The following SLC6A11 variants were observed in gnomAD, a reference collection of about 807,000 sequenced individuals.
SLC6A11 encodes solute carrier family 6 member 11.
Under a neutral mutation model 74.8 loss-of-function variants are expected in SLC6A11, and 25 were observed. The observed-to-expected ratio is 0.33, with a 90% CI of 0.24 to 0.47. The LOEUF (loss-of-function observed/expected upper bound fraction) is 0.47, where lower values mean the gene tolerates loss of function less well. Ranked by LOEUF, SLC6A11 falls within the 20% of genes least tolerant of loss-of-function variation. The pLI is 1.00. For missense variants in SLC6A11, 574 were observed against 837.0 expected (o/e 0.69, Z 3.88); for synonymous variants, 330 against 330.2 (o/e 1.00, Z 0.01).
intron 6 of SLC6A11, among the ~76,000 whole-genome samples, chr3:10,910,451 A>AG (rs1269937525): frequency 6.6e-6 from 1 of 152,154 alleles, no homozygotes; most frequent in Non-Finnish European, 1.5e-5. Flanking sequence ...AAACAGGAAG[A>AG]GAGAGTTCAT....
At chr3:10,857,125 C>G (rs1439799816) in intron 5 of SLC6A11, among the ~76,000 whole-genome samples, 1 of 152,160 alleles carries the variant, frequency 6.6e-6, no homozygotes, top group African/African-American at 2.4e-5. Flanking sequence ...TAAGTGTTGT[C>G]AAATCCTGGC....
intron 6 of SLC6A11, among the ~76,000 whole-genome samples, chr3:10,882,392 G>C (rs149988794): frequency 2.6e-5 from 4 of 152,182 alleles, no homozygotes; most frequent in African/African-American, 7.2e-5. Flanking sequence ...ACCACCCCAC[G>C]TGCTCCTGGT....
intron 13 of SLC6A11, 27 bp from the exon 14 acceptor site, chr3:10,938,223 A>C: frequency 6.4e-7 from 1 of 1,567,912 alleles, no homozygotes; most frequent in South Asian, 1.2e-5. Context: ...AATCACTCAG[A>C]TCTTCCCCTC....
chr3:10,896,135 G>A (rs927338205), intron 6 of SLC6A11, among the ~76,000 whole-genome samples: 1 of 152,234 alleles, frequency 6.6e-6, no homozygotes, highest in Non-Finnish European at 1.5e-5. Context: ...GCATTTCTGG[G>A]ACAGAATGAG....
chr3:10,834,401 A>AGGGAT (rs1694340148), intron 4 of SLC6A11, among the ~76,000 whole-genome samples: 1 of 151,108 alleles, frequency 6.6e-6, no homozygotes, highest in Non-Finnish European at 1.5e-5. Context: ...AAAGGGAGGA[A>AGGGAT]GGGATGAAGG....
At chr3:10,904,109 A>G (rs1695274234) in intron 6 of SLC6A11, among the ~76,000 whole-genome samples, 1 of 152,260 alleles carries the variant, frequency 6.6e-6, no homozygotes, top group Non-Finnish European at 1.5e-5. Context: ...GTAAAGTGCT[A>G]TCCATGTGGA....
intron 6 of SLC6A11, among the ~76,000 whole-genome samples, chr3:10,882,721 G>T (rs998994210): frequency 6.6e-6 from 1 of 152,212 alleles, no homozygotes; most frequent in African/African-American, 2.4e-5. Flanking sequence ...TCAGAAAGCG[G>T]TATTCTTGGT....
rs980603427 is a variant in SLC6A11, at chr3:10,918,049, C to T, written c.996-280C>T. ...GTTTCAGAGTATTTTCTCATTAGTT[C>T]TGCATTTTCCCATATGCCAGCCTCC... On this transcript the variant is annotated intron_variant, in intron 7 of 13. Transcript: ENST00000254488. This position sits in a 1 kb window ranked among gnomAD's most constrained non-coding sequence, Gnocchi z 4.5. Among the ~76,000 whole-genome samples, 7 of 152,012 alleles carry T rather than the reference C, an allele frequency of 4.6e-5. No individual in the cohort carries two copies.
At chr3:10,817,633 G>T (rs1694080492) in intron 1 of SLC6A11, among the ~76,000 whole-genome samples, 1 of 152,230 alleles carries the variant, frequency 6.6e-6, no homozygotes, top group Non-Finnish European at 1.5e-5. Context: ...AAGTTGGCTG[G>T]CAGGGACCGG....
rs1695806688 is a variant in SLC6A11 at position 10,940,053 on chromosome 3, A to C, written c.*1651A>C. On this transcript the variant is annotated 3_prime_UTR_variant, in exon 14 of 14. Coordinates refer to ENST00000254488, the MANE Select transcript of SLC6A11 (RefSeq NM_014229.3). Reference sequence around the variant, plus strand: ...TTCACCCAAAAGTCTGCAAACCCCCAGCATCTCTGCTCTGGCCAGCCCTGA... The same window carrying C: ...TTCACCCAAAAGTCTGCAAACCCCCCGCATCTCTGCTCTGGCCAGCCCTGA... The C allele has an allele frequency of 6.6e-6, 1 of 152,302 alleles. No individual in the cohort carries two copies. The highest frequency in any genetic ancestry group is 2.4e-5 in the African/African-American group (1 of 41,462). The allele number at this position is 152,302 out of a possible 1,614,324, so 9.4% of individuals were successfully genotyped here.
rs1284504177 is a variant in SLC6A11, at chr3:10,939,681, G to C, written c.*1279G>C. The C allele has an allele frequency of 1.3e-5, 2 of 152,242 alleles. No homozygotes were observed. The highest frequency in any genetic ancestry group is 4.8e-5 in the African/African-American group (2 of 41,422). The allele number at this position is 152,242 out of a possible 1,614,324, so 9.4% of individuals were successfully genotyped here. On this transcript the variant is annotated 3_prime_UTR_variant, in exon 14 of 14. Coordinates refer to ENST00000254488, the MANE Select transcript of SLC6A11 (RefSeq NM_014229.3). ...CTCAGTGGCCAGGCGCAAGGCTACA[G>C]GTGCAGTCACCTGTTCCCGGCCACC...
intron 6 of SLC6A11, among the ~76,000 whole-genome samples, chr3:10,878,404 C>T (rs1445386044): frequency 2.3e-5 from 3 of 128,166 alleles, no homozygotes; most frequent in East Asian, 4.6e-4. Context: ...TCCACTCATC[C>T]TTTTTTTTTT....
chr3:10,817,312 T>G (rs1396445326), intron 1 of SLC6A11, among the ~76,000 whole-genome samples: 1 of 151,996 alleles, frequency 6.6e-6, no homozygotes, highest in Non-Finnish European at 1.5e-5. Context: ...TGCATAGAGA[T>G]GTAGAAGGGG....
intron 8 of SLC6A11, among the ~76,000 whole-genome samples, chr3:10,924,956 C>T (rs1009431178): frequency 6.6e-6 from 1 of 152,180 alleles, no homozygotes; most frequent in Non-Finnish European, 1.5e-5. Context: ...CATATGATTG[C>T]CATATGACCC....
At chr3:10,936,470 G>A (rs1695760880) in intron 13 of SLC6A11, among the ~76,000 whole-genome samples, 1 of 152,150 alleles carries the variant, frequency 6.6e-6, no homozygotes, top group Non-Finnish European at 1.5e-5. Flanking sequence ...GGGGAGTGGG[G>A]GTATGCAGAG....
At chr3:10,936,576 A>G (rs1239490009) in intron 13 of SLC6A11, among the ~76,000 whole-genome samples, 1 of 152,194 alleles carries the variant, frequency 6.6e-6, no homozygotes. Flanking sequence ...GCATCCAGCC[A>G]GAAGGGGCCA....
chr3:10,920,326 C>T (rs1695519877), intron 8 of SLC6A11, among the ~76,000 whole-genome samples: 1 of 152,022 alleles, frequency 6.6e-6, no homozygotes. Context: ...AATTCAAATC[C>T]AACGCAACAC....
rs1482889362 is a variant in SLC6A11, at chr3:10,928,326, T to C, written c.1234-876T>C. 4.0e-5 allele frequency among the ~76,000 whole-genome samples: 6 copies of C among 151,846 alleles called. No individual in the cohort carries two copies. The East Asian group carries it at 9.7e-4, about 25-fold the overall frequency. On this transcript the variant is annotated intron_variant, in intron 9 of 13. Transcript: ENST00000254488. ...CCACCTGCTTGTAAGGAGACAGATA[T>C]AAGCAGGAAAGGGCCCCCAGGGTGA...
intron 5 of SLC6A11, among the ~76,000 whole-genome samples, chr3:10,866,197 A>G (rs980771577): frequency 2.0e-5 from 3 of 152,184 alleles, no homozygotes; most frequent in African/African-American, 4.8e-5. Flanking sequence ...ATTTCAGCCC[A>G]TGGGAAGGGC....
Sources: gnomAD v4.1 joint callset for allele counts (sites outside exome capture counted in the v4.1 genomes callset) on GRCh38, gnomAD v4.1.1 for gene constraint, Gnocchi (gnomAD v3.1) non-coding constraint, MANE v1.5 for transcripts, NCBI Gene and HGNC (gene_info 2026-07-23, HGNC 2026-07-21) for gene names.